The following SLC24A2 variants were observed in gnomAD, a reference collection of about 807,000 sequenced individuals.
The protein encoded by SLC24A2 is sodium/potassium/calcium exchanger 2.
A neutral mutation model predicts 62.0 loss-of-function variants in SLC24A2; 36 were observed. The ratio of observed to expected loss-of-function variants is 0.58; its 90% CI spans 0.44 to 0.77. The LOEUF is 0.77. SLC24A2 is among the 30% of genes least tolerant of loss of function. The pLI is 0.00. For synonymous variants in SLC24A2, 358 were observed against 294.0 expected (o/e 1.22, Z -2.23); for missense variants, 846 against 817.9 (o/e 1.03, Z -0.42).
the SLC24A2 span, among the ~76,000 whole-genome samples, chr9:19,976,827 C>G: frequency 2.0e-5 from 3 of 152,124 alleles, no homozygotes; most frequent in Non-Finnish European, 2.9e-5. Flanking sequence ...TTCCAGTATT[C>G]TGCTATTTGT....
the SLC24A2 span, among the ~76,000 whole-genome samples, chr9:19,829,888 TTTCC>T: frequency 5.3e-5 from 8 of 150,880 alleles, no homozygotes; most frequent in African/African-American, 1.9e-4. Flanking sequence ...TAATTATTCA[TTTCC>T]TTCCTTTCTC....
the SLC24A2 span, among the ~76,000 whole-genome samples, chr9:20,085,048 T>G: frequency 7.2e-5 from 11 of 152,270 alleles, no homozygotes; most frequent in African/African-American, 2.6e-4. Flanking sequence ...TAGCCTGGAG[T>G]GCAGTGACAT....
the SLC24A2 span, among the ~76,000 whole-genome samples, chr9:20,214,980 T>A: frequency 7.9e-5 from 12 of 152,242 alleles, 1 homozygote; most frequent in Admixed American, 6.5e-5. Flanking sequence ...TAATTCTACC[T>A]AATGCATATA....
chr9:19,781,078 G>C (rs1056157629), intron 2 of SLC24A2, among the ~76,000 whole-genome samples: 2 of 152,012 alleles, frequency 1.3e-5, no homozygotes, highest in East Asian at 1.9e-4. Context: ...TAAACTTTCC[G>C]GTTAAAAGAC....
chr9:19,938,266 T>C, the SLC24A2 span, among the ~76,000 whole-genome samples: 344 of 152,244 alleles, frequency 2.3e-3, 7 homozygotes, highest in East Asian at 0.06. Flanking sequence ...TCAAAAAACA[T>C]GATATAGAAA....
At chr9:20,219,679 T>C in the SLC24A2 span, among the ~76,000 whole-genome samples, 2 of 152,156 alleles carry the variant, frequency 1.3e-5, no homozygotes, top group African/African-American at 4.8e-5. Flanking sequence ...AACACTTGTA[T>C]TTCCTGTTCT....
At chr9:20,140,065 G>C in the SLC24A2 span, among the ~76,000 whole-genome samples, 2 of 152,216 alleles carry the variant, frequency 1.3e-5, no homozygotes, top group Non-Finnish European at 2.9e-5. Flanking sequence ...ACATTGAAAA[G>C]AGAATACAAC....
At chr9:20,073,703 C>A in the SLC24A2 span, among the ~76,000 whole-genome samples, 1 of 151,768 alleles carries the variant, frequency 6.6e-6, no homozygotes, top group Non-Finnish European at 1.5e-5. Flanking sequence ...CCATTTTTTC[C>A]ATAAAGTCTT....
the SLC24A2 span, chr9:19,926,913 G>A: frequency 6.6e-6 from 1 of 152,618 alleles, no homozygotes; most frequent in Non-Finnish European, 1.5e-5. Context: ...GTGAGCAGAG[G>A]AGGAGGAGAC....
At chr9:19,651,755 T>C (rs929914892) in intron 2 of SLC24A2, among the ~76,000 whole-genome samples, 1 of 152,150 alleles carries the variant, frequency 6.6e-6, no homozygotes, top group Non-Finnish European at 1.5e-5. Flanking sequence ...AAGATTAGGA[T>C]TGAGGGCCCT....
the SLC24A2 span, among the ~76,000 whole-genome samples, chr9:20,208,929 G>C: frequency 6.6e-6 from 1 of 152,340 alleles, no homozygotes; most frequent in African/African-American, 2.4e-5. Context: ...CAGCAACGTG[G>C]ATCTAGTTGA....
chr9:20,273,186 G>C, the SLC24A2 span, among the ~76,000 whole-genome samples: 2 of 152,210 alleles, frequency 1.3e-5, no homozygotes, highest in African/African-American at 4.8e-5. Flanking sequence ...CCTGGAAATT[G>C]AGAAGACAGC....
At chr9:19,710,436 C>G (rs1352731073) in intron 2 of SLC24A2, among the ~76,000 whole-genome samples, 1 of 152,130 alleles carries the variant, frequency 6.6e-6, no homozygotes, top group African/African-American at 2.4e-5. Context: ...AGAAGTCTTC[C>G]TCACTGAAGT....
At chr9:19,948,988 A>G in the SLC24A2 span, among the ~76,000 whole-genome samples, 4 of 150,384 alleles carry the variant, frequency 2.7e-5, no homozygotes, top group African/African-American at 9.8e-5. Context: ...CCATTTATTT[A>G]TTTATTTAAT....
chr9:19,523,076 G>A (rs550330175), intron 9 of SLC24A2, among the ~76,000 whole-genome samples: 5 of 152,332 alleles, frequency 3.3e-5, no homozygotes, highest in South Asian at 4.1e-4. Context: ...CCAGCTACTC[G>A]GGGGTTGAGG....
the SLC24A2 span, among the ~76,000 whole-genome samples, chr9:20,275,129 A>T: frequency 3.9e-5 from 6 of 152,162 alleles, no homozygotes; most frequent in African/African-American, 1.4e-4. Flanking sequence ...GAACTAAGAC[A>T]TAACAACAGC....
chr9:19,658,813 T>C (rs911977607), intron 2 of SLC24A2, among the ~76,000 whole-genome samples: 15 of 152,124 alleles, frequency 9.9e-5, no homozygotes, highest in Admixed American at 7.9e-4. Flanking sequence ...TGTCTAGATG[T>C]AAAAGGCCAA....
At chr9:19,736,400 C>A (rs1000201156) in intron 2 of SLC24A2, among the ~76,000 whole-genome samples, 1 of 152,130 alleles carries the variant, frequency 6.6e-6, no homozygotes, top group Admixed American at 6.6e-5. Context: ...CAATCACCTG[C>A]AGCTTACAAG....
At chr9:20,257,443 C>G in the SLC24A2 span, among the ~76,000 whole-genome samples, 1 of 152,034 alleles carries the variant, frequency 6.6e-6, no homozygotes, top group African/African-American at 2.4e-5. Context: ...TGGTCCCAAT[C>G]CTTCTGATCA....
Sources: allele counts gnomAD v4.1 joint callset (sites outside exome capture counted in the v4.1 genomes callset), GRCh38; gene constraint gnomAD v4.1.1; transcripts MANE v1.5; gene names NCBI Gene and HGNC (gene_info 2026-07-23, HGNC 2026-07-21).